The following RPL35 variants were observed in gnomAD, a reference collection of about 807,000 sequenced individuals.
RPL35 encodes the protein large ribosomal subunit protein uL29.
A neutral mutation model predicts 15.6 loss-of-function variants in RPL35; 2 were observed. The observed-to-expected ratio is 0.13, with a 90% CI of 0.05 to 0.40. RPL35 has a LOEUF of 0.40. Ranked by LOEUF, RPL35 falls within the 10% of genes least tolerant of loss-of-function variation. The pLI is 0.99. For synonymous variants in RPL35, 93 were observed against 67.9 expected, an observed-to-expected ratio of 1.37 and a Z score of -1.82; for missense variants, 111 against 164.7, an observed-to-expected ratio of 0.67 and a Z score of 1.79.
chr9:124,859,371 C>T (rs1353206803), intron 3 of RPL35, among the ~76,000 whole-genome samples: 1 of 152,164 alleles, frequency 6.6e-6, no homozygotes, highest in Non-Finnish European at 1.5e-5. Context: ...TGATGTGGAA[C>T]CATTTTGCAG....
In RPL35 at chr9:124,861,424, A is replaced by C. The variant is rs1182024717; in HGVS notation, c.135T>G (p.Ser45=). The change falls in exon 2 of 4, where the codon TCT becomes TCG. Residue 45 remains serine, a synonymous_variant. Coordinates refer to ENST00000348462, the MANE Select transcript of RPL35 (RefSeq NM_007209.4). The part of the protein sequence containing the change: ...KVTGGAASKL[S]KIRVVRKSIA... ...GATCCGGCCGCCTCACTTACATCTT[A>C]GAGAGCTTGGAGGCCGCACCGCCTG... 1 of 1,612,624 alleles carries C rather than the reference A, an allele frequency of 6.2e-7. No homozygotes were observed.
intron 1 of RPL35, 144 bp downstream of exon 1, chr9:124,861,766 G>A: frequency 1.5e-6 from 2 of 1,346,376 alleles, no homozygotes; most frequent in African/African-American, 1.5e-5. Flanking sequence ...AAGCGAAGAG[G>A]CGGGTTGTGG....
At chr9:124,860,365 AACCCATCC>A in intron 2 of RPL35, 101 bp from the exon 3 acceptor site, 1 of 952,868 alleles carries the variant, frequency 1.0e-6, no homozygotes, top group Non-Finnish European at 1.7e-6. Context: ...CTCCCCCATC[AACCCATCC>A]ATATTCACTC....
chr9:124,858,038 C>A lies in RPL35; in HGVS notation c.252G>T (p.Arg84=), dbSNP rs779296546. The A allele has an allele frequency of 6.2e-6, 10 of 1,612,566 alleles. No homozygotes were observed. The highest frequency in any genetic ancestry group is 8.5e-6 in the Non-Finnish European group (10 of 1,180,004). ...KGKKYKPLDL[R]PKKTRAMRRR... ...GGCGCATGGCACGTGTCTTCTTAGG[C>A]CGCAGGTCCAGGGGCTTGTACTTCT... is the stretch of plus-strand genomic sequence containing the variant. The change falls in exon 4 of 4, where the codon CGG becomes CGT. Residue 84 remains arginine, a synonymous_variant. Coordinates refer to ENST00000348462, the MANE Select transcript of RPL35 (RefSeq NM_007209.4).
intron 2 of RPL35, 93 bp from the exon 3 acceptor site, chr9:124,860,357 C>T (rs889084338): frequency 1.0e-6 from 1 of 982,948 alleles, no homozygotes; most frequent in Non-Finnish European, 1.6e-6. Context: ...GCTGCAGCCT[C>T]CCCCATCAAC....
Position 124,857,989 on chromosome 9 carries a change from T to G in RPL35, c.301A>C (p.Asn101His), listed in dbSNP as rs138696336. ...CGCTGCTGCTTCTTGGTCTTCAGGT[T>G]CTCCTCGTGCTTGTTGAGCCGGCGG... ...MRRRLNKHEE[N>H]LKTKKQQRKE... The change falls in exon 4 of 4, where the codon AAC (asparagine) becomes CAC (histidine). Residue 101 changes from asparagine (N) to histidine (H), a missense_variant. Transcript: ENST00000348462. The G allele has an allele frequency of 1.2e-3, 1,867 of 1,612,250 alleles. 4 individuals carry two copies. The highest frequency in any genetic ancestry group is 1.4e-3 in the Non-Finnish European group (1,601 of 1,180,038).
chr9:124,857,965 G>A lies in RPL35; in HGVS notation c.325C>T (p.Arg109Trp), dbSNP rs536039981. The change falls in exon 4 of 4, where the codon CGG becomes TGG. Residue 109 changes from arginine (R) to tryptophan (W), a missense_variant. Coordinates refer to ENST00000348462, the MANE Select transcript of RPL35 (RefSeq NM_007209.4). Reference sequence around the variant, plus strand: ...CGCAGCGGGTACAGCCGCTCCTTCCGCTGCTGCTTCTTGGTCTTCAGGTTC... The same window carrying A: ...CGCAGCGGGTACAGCCGCTCCTTCCACTGCTGCTTCTTGGTCTTCAGGTTC... ...EENLKTKKQQ[R>W]KERLYPLRKY... 24 of 1,612,240 alleles carry A rather than the reference G, an allele frequency of 1.5e-5. 1 individual carries two copies. The South Asian group carries it at 1.5e-4, about 10-fold the overall frequency.
In RPL35 at chr9:124,861,573, T is replaced by A. The variant is rs764405583; in HGVS notation, c.4-18A>T. 2 of 1,612,724 alleles carry A rather than the reference T, an allele frequency of 1.2e-6. No individual in the cohort carries two copies. On this transcript the variant is annotated intron_variant, in intron 1 of 3. Coordinates refer to ENST00000348462, the MANE Select transcript of RPL35 (RefSeq NM_007209.4). ...ATCTTGGCCTGCGCGCAAGAGAGAG[T>A]GTGCCTCAGCCAGGCCGCGGGGCCA... is the stretch of plus-strand genomic sequence containing the variant.
At chr9:124,858,095 A>AAGGACCC (rs1564307690) in intron 3 of RPL35, 28 bp from the exon 4 acceptor site, 1 of 1,608,202 alleles carries the variant, frequency 6.2e-7, no homozygotes, top group Non-Finnish European at 8.5e-7. Context: ...GGGTGAATCC[A>AAGGACCC]AGGACCCAGG....
chr9:124,860,311 A>G lies in RPL35; in HGVS notation c.141-47T>C, dbSNP rs752806498. 4.1e-6 allele frequency: 6 copies of G among 1,471,904 alleles called. No individual in the cohort carries two copies. The South Asian group carries it at 6.8e-5, about 17-fold the overall frequency. 91.2% of individuals were successfully genotyped at this position (1,471,904 alleles called of 1,614,324 possible). A position where few individuals can be genotyped will look rare whatever the true frequency, so the allele number is the denominator to read the frequency against. On this transcript the variant is annotated intron_variant, in intron 2 of 3. Coordinates refer to ENST00000348462, the MANE Select transcript of RPL35 (RefSeq NM_007209.4). ...GAAGATAGGGAAGACACATAGCACTACCCAAGACTCAGGACTCACACATAG... is the reference window on the plus strand; with the variant it reads ...GAAGATAGGGAAGACACATAGCACTGCCCAAGACTCAGGACTCACACATAG...
At chr9:124,860,075 C>G in intron 3 of RPL35, 108 bp downstream of exon 3, 1 of 803,422 alleles carries the variant, frequency 1.2e-6, no homozygotes, top group Admixed American at 1.9e-5. Flanking sequence ...GAAGGCTAAC[C>G]ACTCTCAGCC....
Position 124,857,897 on chromosome 9 carries a change from G to A in RPL35, c.*21C>T, listed in dbSNP as rs1483392423. ...AAACAAAGCAGTCTCAGCCAGCTGT[G>A]CTTTATTGACAATGCGCCCCTCAGG... On this transcript the variant is annotated 3_prime_UTR_variant, in exon 4 of 4. Coordinates refer to ENST00000348462, the MANE Select transcript of RPL35 (RefSeq NM_007209.4). The A allele has an allele frequency of 1.2e-6, 2 of 1,610,856 alleles. No individual in the cohort carries two copies. Among genetic ancestry groups the A allele is most frequent in the South Asian group, 1.1e-5 (1 of 90,974 alleles).
intron 3 of RPL35, chr9:124,858,685 A>G (rs924806047): frequency 2.3e-5 from 14 of 613,086 alleles, no homozygotes; most frequent in Non-Finnish European, 3.5e-5. Flanking sequence ...CTTGTTCTCC[A>G]GCAGGGGGTT....
In RPL35 at chr9:124,860,213, A is replaced by G. The variant is rs781191609; in HGVS notation, c.192T>C (p.Thr64=). Reference sequence around the variant, plus strand: ...AGAATTTCCTGAGGTTTTCTTTCTGAGTCTGGTTAATAACTGTGAGAACAC... The same window carrying G: ...AGAATTTCCTGAGGTTTTCTTTCTGGGTCTGGTTAATAACTGTGAGAACAC... ...IARVLTVINQ[T]QKENLRKFYK... The change falls in exon 3 of 4, where the codon ACT becomes ACC. Residue 64 remains threonine, a synonymous_variant. Transcript: ENST00000348462. The G allele has an allele frequency of 1.2e-6, 2 of 1,614,050 alleles. No homozygotes were observed. Among genetic ancestry groups the G allele is most frequent in the Non-Finnish European group, 1.7e-6 (2 of 1,179,960 alleles).
At chr9:124,858,460 C>G (rs886304596) in intron 3 of RPL35, 4 of 716,140 alleles carry the variant, frequency 5.6e-6, no homozygotes, top group Non-Finnish European at 1.0e-5. Context: ...ACCATTACCT[C>G]GGCTCTGGTT....
intron 3 of RPL35, among the ~76,000 whole-genome samples, chr9:124,859,601 G>A (rs528421191): frequency 6.6e-5 from 10 of 152,150 alleles, no homozygotes; most frequent in South Asian, 6.2e-4. Context: ...TGCACACACC[G>A]TCTCCCCCTA....
At chr9:124,861,862 C>A (rs1267895063) in intron 1 of RPL35, 48 bp downstream of exon 1, 1 of 1,599,700 alleles carries the variant, frequency 6.3e-7, no homozygotes. Flanking sequence ...CTTCCCCAAC[C>A]CCCGCGCCTC....
chr9:124,860,806 C>A (rs566920869), intron 2 of RPL35, among the ~76,000 whole-genome samples: 1 of 152,080 alleles, frequency 6.6e-6, no homozygotes, highest in Admixed American at 6.6e-5. Flanking sequence ...CCCACCCCTG[C>A]CTCTACTAAG....
chr9:124,861,086 T>G, intron 2 of RPL35: 1 of 277,426 alleles, frequency 3.6e-6, no homozygotes, highest in Non-Finnish European at 6.9e-6. Flanking sequence ...CTTAGCCATG[T>G]AAAATAACTT....
Sources: allele counts gnomAD v4.1 joint callset (sites outside exome capture counted in the v4.1 genomes callset), GRCh38; gene constraint gnomAD v4.1.1; transcripts MANE v1.5; gene names NCBI Gene and HGNC (gene_info 2026-07-23, HGNC 2026-07-21).